The following LRCH2 variants were observed in gnomAD, a reference collection of about 807,000 sequenced individuals.
LRCH2 encodes the protein leucine rich repeats and calponin homology domain containing 2.
LRCH2 carries 38 observed loss-of-function variants against 68.9 expected under a neutral mutation model. The observed-to-expected ratio is 0.55, with a 90% CI of 0.43 to 0.72. LRCH2 has a LOEUF of 0.72. LRCH2 is among the 30% of genes least tolerant of loss of function. The pLI is 0.00. For missense variants in LRCH2, 528 were observed against 572.9 expected, an observed-to-expected ratio of 0.92 and a Z score of 0.80; for synonymous variants, 191 against 208.1, an observed-to-expected ratio of 0.92 and a Z score of 0.71.
At chrX:115,222,279 A>G (rs782241669) in intron 1 of LRCH2, among the ~76,000 whole-genome samples, 142 of 112,307 alleles carry the variant, frequency 1.3e-3, no homozygotes, top group African/African-American at 4.2e-3. Flanking sequence ...CATTTACCGA[A>G]AAAAACAGAG....
At chrX:115,124,436 T>C (rs909879374) in intron 16 of LRCH2, among the ~76,000 whole-genome samples, 2 of 112,392 alleles carry the variant, frequency 1.8e-5, no homozygotes, top group Non-Finnish European at 3.8e-5. Flanking sequence ...GACTGCAGAA[T>C]GATAGATGAT....
Position 115,232,601 on chromosome X carries a change from G to A in LRCH2, c.349+1092C>T, listed in dbSNP as rs781803429. On this transcript the variant is annotated intron_variant, in intron 1 of 20. Transcript: ENST00000317135. The stretch of plus-strand genomic sequence containing the variant: ...TAAGATCTAAAAACTGAATACATCT[G>A]AAATTGTCTTGTTTTGAAAATAAGT... 5.4e-5 allele frequency among the ~76,000 whole-genome samples: 6 copies of A among 111,632 alleles called. No individual in the cohort carries two copies. The Admixed American group carries it at 5.7e-4, about 11-fold the overall frequency.
intron 1 of LRCH2, among the ~76,000 whole-genome samples, chrX:115,210,341 A>G (rs1433470941): frequency 9.0e-6 from 1 of 111,499 alleles, no homozygotes; most frequent in Non-Finnish European, 1.9e-5. Flanking sequence ...AGGCATGACT[A>G]TAAGGGGCCA....
chrX:115,118,462 A>C (rs2072104201), intron 20 of LRCH2, among the ~76,000 whole-genome samples: 1 of 108,495 alleles, frequency 9.2e-6, no homozygotes, highest in Admixed American at 9.8e-5. Flanking sequence ...CCCAAGACTA[A>C]ACCAGGAAGA....
At chrX:115,117,005 A>G (rs2072088591) in intron 20 of LRCH2, among the ~76,000 whole-genome samples, 1 of 111,586 alleles carries the variant, frequency 9.0e-6, no homozygotes, top group Non-Finnish European at 1.9e-5. Context: ...TTTGGATGCA[A>G]TATTTATAAA....
At chrX:115,132,036 A>G (rs2072250003) in intron 14 of LRCH2, among the ~76,000 whole-genome samples, 1 of 111,475 alleles carries the variant, frequency 9.0e-6, no homozygotes. Flanking sequence ...TTCTGTAGGT[A>G]GCCTGTTCAC....
Position 115,170,354 on chromosome X carries a change from A to C in LRCH2, c.943T>G (p.Ser315Ala). 1 of 1,181,575 alleles carries C rather than the reference A, an allele frequency of 8.5e-7. No individual in the cohort carries two copies. The highest frequency in any genetic ancestry group is 1.1e-6 in the Non-Finnish European group (1 of 879,805). Residue 315 changes from serine (S) to alanine (A), a missense_variant, in exon 6 of 21, where the codon TCC (serine) becomes GCC (alanine). Coordinates refer to ENST00000317135, the MANE Select transcript of LRCH2 (RefSeq NM_020871.4). The stretch of plus-strand genomic sequence containing the variant: ...TTACTCAATGATGGAAGATCCAGGG[A>C]ATCTGGTTTCTTATCCATTCTGCAA... Reference protein sequence around the residue: ...ACCRMDKKPDSLDLPSLSKRM... With the variant: ...ACCRMDKKPDALDLPSLSKRM...
intron 1 of LRCH2, among the ~76,000 whole-genome samples, chrX:115,201,552 T>C (rs2072929826): frequency 9.0e-6 from 1 of 111,208 alleles, no homozygotes; most frequent in Admixed American, 9.6e-5. Flanking sequence ...AACAAACCCA[T>C]GTATCATACT....
intron 20 of LRCH2, among the ~76,000 whole-genome samples, chrX:115,117,854 G>A (rs1184046701): frequency 9.1e-6 from 1 of 110,435 alleles, no homozygotes; most frequent in Non-Finnish European, 1.9e-5. Flanking sequence ...TTTTGACTGT[G>A]GTGATGATTT....
intron 12 of LRCH2, among the ~76,000 whole-genome samples, chrX:115,153,148 A>C (rs1199231234): frequency 1.9e-5 from 2 of 104,464 alleles, no homozygotes; most frequent in African/African-American, 7.0e-5. Flanking sequence ...GTCTCTACAA[A>C]AAAAAAAAAA....
intron 1 of LRCH2, among the ~76,000 whole-genome samples, chrX:115,221,195 A>C (rs1603103234): frequency 1.7e-5 from 1 of 57,218 alleles, no homozygotes; most frequent in African/African-American, 7.4e-5. Flanking sequence ...AAAAAAAAAA[A>C]AAAAAAAAAA....
At chrX:115,221,619 A>C (rs1157515043) in intron 1 of LRCH2, among the ~76,000 whole-genome samples, 2 of 111,938 alleles carry the variant, frequency 1.8e-5, no homozygotes, top group Non-Finnish European at 3.8e-5. Flanking sequence ...ACCAATAAAA[A>C]GGGAAATGCA....
chrX:115,173,609 A>ATAAC (rs2072622403), intron 5 of LRCH2, among the ~76,000 whole-genome samples: 2 of 111,950 alleles, frequency 1.8e-5, no homozygotes, highest in African/African-American at 6.5e-5. Context: ...TCTATTTCCT[A>ATAAC]TAACTATCTT....
At chrX:115,213,686 T>C (rs1297529909) in intron 1 of LRCH2, among the ~76,000 whole-genome samples, 1 of 111,920 alleles carries the variant, frequency 8.9e-6, no homozygotes, top group Admixed American at 9.5e-5. Context: ...TATAAAGCTC[T>C]TGGGGCTAGA....
rs1556543162 is a variant in LRCH2, at chrX:115,163,768, C to T, written c.1371G>A (p.Gln457=). 8.4e-7 allele frequency: 1 copy of T among 1,190,451 alleles called. No individual in the cohort carries two copies. Residue 457 remains glutamine, a synonymous_variant, in exon 11 of 21, where the codon CAG becomes CAA. Coordinates refer to ENST00000317135, the MANE Select transcript of LRCH2 (RefSeq NM_020871.4). The part of the protein sequence containing the change: ...LGDEKRLEKE[Q]LLAEEEDDDL... ...CATCATCCTCTTCCTCTGCCAGTAACTGTTCTTTCTCAAGTCTGAAAGGTG... is the reference window on the plus strand; with the variant it reads ...CATCATCCTCTTCCTCTGCCAGTAATTGTTCTTTCTCAAGTCTGAAAGGTG...
At chrX:115,197,847 T>TCTCTCA (rs782358260) in intron 1 of LRCH2, among the ~76,000 whole-genome samples, 35 of 20,560 alleles carry the variant, frequency 1.7e-3, no homozygotes, top group African/African-American at 4.1e-3. Context: ...TCTCTCTCTC[T>TCTCTCA]CACACACACA....
chrX:115,171,683 T>G (rs781813102), intron 5 of LRCH2, among the ~76,000 whole-genome samples: 40 of 104,630 alleles, frequency 3.8e-4, no homozygotes, highest in African/African-American at 6.2e-4. Context: ...TGTTTTTTTG[T>G]TTTTTTTTTG....
intron 1 of LRCH2, among the ~76,000 whole-genome samples, chrX:115,203,675 C>T (rs782755395): frequency 1.8e-5 from 2 of 112,777 alleles, no homozygotes; most frequent in East Asian, 5.6e-4. Context: ...AAATAATCTT[C>T]TTTCAATCCA....
chrX:115,186,344 T>A (rs1487897121), intron 2 of LRCH2, among the ~76,000 whole-genome samples: 2 of 99,952 alleles, frequency 2.0e-5, no homozygotes, highest in Non-Finnish European at 3.9e-5. Flanking sequence ...CAAGACTCCG[T>A]CTAAAAAAAA....
Sources: gnomAD v4.1 joint callset for allele counts (sites outside exome capture counted in the v4.1 genomes callset) on GRCh38, gnomAD v4.1.1 for gene constraint, MANE v1.5 for transcripts, NCBI Gene and HGNC (gene_info 2026-07-23, HGNC 2026-07-21) for gene names.